The following APBB2 variants were observed in gnomAD, a reference collection of about 807,000 sequenced individuals.
The protein encoded by APBB2 is Fe65-like 1.
Under a neutral mutation model 82.5 loss-of-function variants are expected in APBB2, and 38 were observed. The observed-to-expected ratio is 0.46, with a 90% confidence interval of 0.36 to 0.60. The LOEUF (loss-of-function observed/expected upper bound fraction) is 0.60. Among genes scored for constraint, APBB2 ranks in the 20% least tolerant of loss-of-function variants. The pLI, the probability that APBB2 is intolerant of heterozygous loss-of-function variation, is 0.00. For synonymous variants in APBB2, 341 were observed against 368.2 expected (o/e 0.93, Z 0.85); for missense variants, 772 against 972.3 (o/e 0.79, Z 2.74).
rs973067491 is a variant in APBB2, at chr4:40,816,073, AGTC to A, written c.*16_*18del. 1 of 1,605,082 alleles carries A rather than the reference AGTC, an allele frequency of 6.2e-7. No individual in the cohort carries two copies. Among genetic ancestry groups the A allele is most frequent in the African/African-American group, 1.3e-5 (1 of 74,742 alleles). ...TAGTCAATCTTCAGGTAAATAGCCG[AGTC>A]CTTTTGCATGTGCAGCTATGGCATT... On this transcript the variant is annotated 3_prime_UTR_variant, in exon 18 of 18. Transcript: ENST00000508593.
At chr4:41,114,921 C>T (rs968488373) in intron 2 of APBB2, among the ~76,000 whole-genome samples, 4 of 152,138 alleles carry the variant, frequency 2.6e-5, no homozygotes, top group Non-Finnish European at 5.9e-5. Context: ...AGATTCAATG[C>T]TATCCCCATC....
intron 6 of APBB2, among the ~76,000 whole-genome samples, chr4:40,982,438 A>AAAGAAAGG (rs1799288199): frequency 7.1e-6 from 1 of 140,700 alleles, no homozygotes; most frequent in Admixed American, 7.2e-5. Context: ...AGAAAGAAAG[A>AAAGAAAGG]AAGAAAGAAA....
chr4:40,963,498 T>C (rs1362717694), intron 6 of APBB2, among the ~76,000 whole-genome samples: 2 of 152,244 alleles, frequency 1.3e-5, no homozygotes, highest in Admixed American at 1.3e-4. Context: ...TCCTCCTGCT[T>C]TGGCCTCCCA....
intron 12 of APBB2, among the ~76,000 whole-genome samples, chr4:40,873,126 T>TGACA (rs1765979967): frequency 1.3e-5 from 2 of 151,240 alleles, no homozygotes; most frequent in Non-Finnish European, 2.9e-5. Flanking sequence ...ATATGGATGA[T>TGACA]GACAGCCATT....
intron 1 of APBB2, among the ~76,000 whole-genome samples, chr4:41,192,224 G>A (rs1390237291): frequency 2.0e-5 from 3 of 152,192 alleles, no homozygotes. Context: ...ATGGAAAACA[G>A]TATGGAGGTT....
chr4:40,896,780 A>G lies in APBB2; in HGVS notation c.1255-3369T>C, dbSNP rs549547676. On this transcript the variant is annotated intron_variant, in intron 10 of 17. Coordinates refer to ENST00000508593, the MANE Select transcript of APBB2 (RefSeq NM_004307.2). ...CTCAAAAAGTGTCCTGGGTTAGACA[A>G]TAAATCATATGATCACCTCAGTCAA... 8.5e-5 allele frequency among the ~76,000 whole-genome samples: 13 copies of G among 152,276 alleles called. No individual in the cohort carries two copies. In the South Asian group the frequency reaches 2.7e-3, roughly 32 times the overall value.
At chr4:41,211,674 G>A (rs1171901870) in intron 1 of APBB2, among the ~76,000 whole-genome samples, 1 of 151,882 alleles carries the variant, frequency 6.6e-6, no homozygotes, top group East Asian at 1.9e-4. Flanking sequence ...TAGAGACGGG[G>A]GTTTTACCTC....
chr4:40,816,406 G>T, intron 17 of APBB2, 147 bp from the exon 18 acceptor site: 1 of 898,806 alleles, frequency 1.1e-6, no homozygotes, highest in Non-Finnish European at 1.7e-6. Context: ...ATTTTTCTCT[G>T]AATGTGAGTG....
chr4:41,036,029 C>G (rs529066477), intron 4 of APBB2, among the ~76,000 whole-genome samples: 1 of 152,096 alleles, frequency 6.6e-6, no homozygotes, highest in Non-Finnish European at 1.5e-5. Flanking sequence ...TGGGGTGGCA[C>G]ACACTTGTAT....
At chr4:41,071,375 T>C (rs1051982965) in intron 3 of APBB2, among the ~76,000 whole-genome samples, 1 of 152,224 alleles carries the variant, frequency 6.6e-6, no homozygotes, top group Non-Finnish European at 1.5e-5. Flanking sequence ...ATATAATTTC[T>C]GCTTTTTAAA....
intron 4 of APBB2, among the ~76,000 whole-genome samples, chr4:41,035,458 C>T (rs1718767494): frequency 6.6e-6 from 1 of 152,226 alleles, no homozygotes; most frequent in East Asian, 1.9e-4. Context: ...TGCCCTATAA[C>T]TTTCTGCTCA....
chr4:40,988,434 G>A (rs1215083291), intron 6 of APBB2, among the ~76,000 whole-genome samples: 1 of 151,922 alleles, frequency 6.6e-6, no homozygotes, highest in Non-Finnish European at 1.5e-5. Context: ...TCAGGAGTTC[G>A]AGACCAGTCT....
chr4:40,827,010 G>T, intron 14 of APBB2, 122 bp downstream of exon 14: 1 of 851,182 alleles, frequency 1.2e-6, no homozygotes. Context: ...CTCAACTTGT[G>T]CTTACTGAGT....
At chr4:40,820,169 G>A (rs1220347502) in intron 17 of APBB2, among the ~76,000 whole-genome samples, 4 of 152,216 alleles carry the variant, frequency 2.6e-5, no homozygotes, top group African/African-American at 7.2e-5. Flanking sequence ...ACATGCAGCA[G>A]TTCTCCCCCA....
Position 40,828,842 on chromosome 4 carries a change from G to A in APBB2, c.1644+1621C>T, listed in dbSNP as rs1577735137. ...GTGGGATTCAGAGCAGCAGACGGGG[G>A]CACTCTTTCATTCTGAGGCTGGGGA... On this transcript the variant is annotated intron_variant, in intron 13 of 17. Coordinates refer to ENST00000508593, the MANE Select transcript of APBB2 (RefSeq NM_004307.2). 2.0e-5 allele frequency among the ~76,000 whole-genome samples: 3 copies of A among 152,186 alleles called. No individual in the cohort carries two copies. The East Asian group carries it at 5.8e-4, about 29-fold the overall frequency.
chr4:41,173,727 A>G (rs1409783415), intron 1 of APBB2, among the ~76,000 whole-genome samples: 1 of 152,212 alleles, frequency 6.6e-6, no homozygotes, highest in Non-Finnish European at 1.5e-5. Context: ...GTACAGGTCC[A>G]TAACCTAGGA....
chr4:40,883,602 C>G (rs911877023), intron 12 of APBB2, among the ~76,000 whole-genome samples: 1 of 151,388 alleles, frequency 6.6e-6, no homozygotes, highest in African/African-American at 2.4e-5. Context: ...AAAAGAAAAA[C>G]TTACTCAAGC....
At chr4:41,085,801 A>T (rs1403684469) in intron 3 of APBB2, among the ~76,000 whole-genome samples, 1 of 151,954 alleles carries the variant, frequency 6.6e-6, no homozygotes, top group African/African-American at 2.4e-5. Context: ...TACAAAAACA[A>T]AAAAAAAGAA....
At chr4:40,906,235 G>C (rs887598151) in intron 10 of APBB2, among the ~76,000 whole-genome samples, 1 of 151,884 alleles carries the variant, frequency 6.6e-6, no homozygotes, top group African/African-American at 2.4e-5. Context: ...GGTGGCTTCT[G>C]CTTGAGCCCA....
Sources: gnomAD v4.1 joint callset for allele counts (sites outside exome capture counted in the v4.1 genomes callset) on GRCh38, gnomAD v4.1.1 for gene constraint, MANE v1.5 for transcripts, NCBI Gene and HGNC (gene_info 2026-07-23, HGNC 2026-07-21) for gene names.